CAPN5: variants seen among roughly 807,000 people sequenced by gnomAD.
CAPN5 encodes the protein calpain-5.
Under a neutral mutation model 73.0 loss-of-function variants are expected in CAPN5, and 54 were observed. That is an observed-to-expected ratio of 0.74 (90% confidence interval 0.59 to 0.93). The LOEUF (loss-of-function observed/expected upper bound fraction) is 0.93, where lower values mean the gene tolerates loss of function less well. CAPN5 is among the 40% of genes least tolerant of loss of function. CAPN5 has a pLI of 0.00. For missense variants in CAPN5, 785 were observed against 882.9 expected, an observed-to-expected ratio of 0.89 and a Z score of 1.41; for synonymous variants, 335 against 356.9, an observed-to-expected ratio of 0.94 and a Z score of 0.69.
At chr11:77,073,309 G>A (rs941709708) in intron 1 of CAPN5, among the ~76,000 whole-genome samples, 3 of 152,176 alleles carry the variant, frequency 2.0e-5, no homozygotes, top group Non-Finnish European at 4.4e-5. Context: ...TTCCTGTCCT[G>A]CCCAAGGCCT....
intron 1 of CAPN5, among the ~76,000 whole-genome samples, chr11:77,084,509 AG>A (rs1302782053): frequency 1.3e-5 from 2 of 152,296 alleles, no homozygotes; most frequent in East Asian, 3.9e-4. Flanking sequence ...GGGAGCTGGC[AG>A]GGCTGGCCAC....
At chr11:77,076,132 C>T (rs1303970779) in intron 1 of CAPN5, among the ~76,000 whole-genome samples, 1 of 151,584 alleles carries the variant, frequency 6.6e-6, no homozygotes, top group Non-Finnish European at 1.5e-5. Flanking sequence ...GAGGCCAAGG[C>T]AGGCAGATCA....
At chr11:77,096,810 C>A (rs1237339147) in intron 3 of CAPN5, among the ~76,000 whole-genome samples, 1 of 151,928 alleles carries the variant, frequency 6.6e-6, no homozygotes, top group Non-Finnish European at 1.5e-5. Flanking sequence ...CAGCTCCTGG[C>A]CAAAAAAAAG....
At chr11:77,085,435 TATC>T (rs1314194207) in intron 2 of CAPN5, among the ~76,000 whole-genome samples, 1 of 152,262 alleles carries the variant, frequency 6.6e-6, no homozygotes, top group Non-Finnish European at 1.5e-5. Context: ...TCCTGATTGT[TATC>T]ATCATGATTT....
chr11:77,076,509 A>G (rs1353041098), intron 1 of CAPN5, among the ~76,000 whole-genome samples: 1 of 151,706 alleles, frequency 6.6e-6, no homozygotes, highest in Non-Finnish European at 1.5e-5. Context: ...CATCTCTGCA[A>G]CCTCCCTCCC....
intron 2 of CAPN5, among the ~76,000 whole-genome samples, chr11:77,087,154 G>A (rs561833655): frequency 1.3e-5 from 2 of 152,350 alleles, no homozygotes; most frequent in South Asian, 4.1e-4. Flanking sequence ...CCACGGCACT[G>A]CCTGGATTTC....
intron 3 of CAPN5, among the ~76,000 whole-genome samples, chr11:77,107,324 G>A (rs1365347743): frequency 6.6e-6 from 1 of 152,182 alleles, no homozygotes; most frequent in African/African-American, 2.4e-5. Context: ...AAACCTCCCT[G>A]TAGCCCCCAT....
At chr11:77,118,010 C>A (rs1248639972) in intron 7 of CAPN5, 147 bp from the exon 8 acceptor site, 10 of 656,712 alleles carry the variant, frequency 1.5e-5, no homozygotes, top group Admixed American at 5.6e-5. Context: ...CATGCCTGTG[C>A]CCTTGTGTGG....
intron 2 of CAPN5, among the ~76,000 whole-genome samples, chr11:77,090,376 A>G (rs536844298): frequency 6.6e-6 from 1 of 152,274 alleles, no homozygotes; most frequent in African/African-American, 2.4e-5. Context: ...TCTGTCTCTC[A>G]AGGACTGGAG....
intron 3 of CAPN5, among the ~76,000 whole-genome samples, chr11:77,106,764 G>A (rs1591137520): frequency 2.6e-5 from 4 of 152,354 alleles, no homozygotes; most frequent in Admixed American, 2.0e-4. Context: ...CGTGGGTGGG[G>A]GTACAGGAGA....
At position 77,125,630 on chromosome 11, in the gene CAPN5, A is replaced by ATG. The variant is rs1950567996; in HGVS notation, c.*1761_*1762insGT. ...GCACACGCACTATATATATATATAT[A>ATG]TATATATATACATTCATGTAATCAC... On this transcript the variant is annotated 3_prime_UTR_variant, in exon 13 of 13. Coordinates refer to ENST00000648180, the MANE Select transcript of CAPN5 (RefSeq NM_004055.5). The ATG allele has an allele frequency of 6.6e-6, 1 of 150,572 alleles. No homozygotes were observed. Among genetic ancestry groups the ATG allele is most frequent in the Non-Finnish European group, 1.5e-5 (1 of 67,766 alleles). The allele number at this position is 150,572 out of a possible 1,614,324, so 9.3% of individuals were successfully genotyped here. A position where few individuals can be genotyped will look rare whatever the true frequency, so the allele number is the denominator to read the frequency against.
intron 3 of CAPN5, among the ~76,000 whole-genome samples, chr11:77,105,045 G>A (rs1205910340): frequency 2.6e-5 from 4 of 151,898 alleles, no homozygotes; most frequent in Non-Finnish European, 5.9e-5. Flanking sequence ...ACGAGGGGAG[G>A]CCAGAACCGT....
At chr11:77,093,613 T>C (rs146336448) in intron 2 of CAPN5, 69 bp from the exon 3 acceptor site, 16,094 of 1,450,678 alleles carry the variant, frequency 0.011, 116 homozygotes, top group Non-Finnish European at 0.013. Flanking sequence ...GTGTCTGTCA[T>C]GTCTCCTGCC....
chr11:77,080,292 G>A (rs1555034438), intron 1 of CAPN5, among the ~76,000 whole-genome samples: 1 of 152,190 alleles, frequency 6.6e-6, no homozygotes, highest in Non-Finnish European at 1.5e-5. Flanking sequence ...AAATGGCTCT[G>A]CTTATTCTGG....
At chr11:77,087,469 T>C (rs1486491488) in intron 2 of CAPN5, among the ~76,000 whole-genome samples, 1 of 152,138 alleles carries the variant, frequency 6.6e-6, no homozygotes, top group Non-Finnish European at 1.5e-5. Flanking sequence ...TTGGTCCTTA[T>C]AGTGGCTGCT....
At chr11:77,090,789 G>A (rs1298081977) in intron 2 of CAPN5, among the ~76,000 whole-genome samples, 1 of 152,204 alleles carries the variant, frequency 6.6e-6, no homozygotes, top group Non-Finnish European at 1.5e-5. Flanking sequence ...CCTGGCCTCA[G>A]GGAACAGATG....
intron 2 of CAPN5, among the ~76,000 whole-genome samples, chr11:77,086,526 ACT>A (rs1295747815): frequency 6.6e-6 from 1 of 151,860 alleles, no homozygotes; most frequent in Non-Finnish European, 1.5e-5. Flanking sequence ...CCCTGTACTG[ACT>A]CTCTGGAAGG....
chr11:77,087,171 C>G lies in CAPN5; in HGVS notation c.165+2120C>G, dbSNP rs550858840. ...ACGGCACTGCCTGGATTTCCTAAAC[C>G]ATGTGTGTAGGCACTGCCTACTGGC... On this transcript the variant is annotated intron_variant, in intron 2 of 12. Transcript: ENST00000648180. 7.2e-5 allele frequency among the ~76,000 whole-genome samples: 11 copies of G among 152,360 alleles called. No homozygotes were observed. In the South Asian group the frequency reaches 2.3e-3, roughly 32 times the overall value.
At chr11:77,073,219 T>C (rs782398465) in intron 1 of CAPN5, 7 of 783,228 alleles carry the variant, frequency 8.9e-6, no homozygotes, top group Non-Finnish European at 1.3e-5. Context: ...TGTGGTGAGC[T>C]GCTCACCCGA....
Sources: allele counts gnomAD v4.1 joint callset (sites outside exome capture counted in the v4.1 genomes callset), GRCh38; gene constraint gnomAD v4.1.1; transcripts MANE v1.5; gene names NCBI Gene and HGNC (gene_info 2026-07-23, HGNC 2026-07-21).